SYT1: variants seen among roughly 807,000 people sequenced by gnomAD.
The protein encoded by SYT1 is synaptotagmin-1.
A neutral mutation model predicts 44.8 loss-of-function variants in SYT1; 8 were observed. The observed-to-expected ratio is 0.18, with a 90% confidence interval of 0.10 to 0.32. The LOEUF is 0.32. Among genes scored for constraint, SYT1 ranks in the 10% least tolerant of loss-of-function variants. The pLI is 1.00. For missense variants in SYT1, 286 were observed against 509.3 expected, an observed-to-expected ratio of 0.56 and a Z score of 4.22; for synonymous variants, 154 against 188.8, an observed-to-expected ratio of 0.82 and a Z score of 1.51.
chr12:79,052,712 T>C (rs1874604229), intron 3 of SYT1, among the ~76,000 whole-genome samples: 1 of 152,082 alleles, frequency 6.6e-6, no homozygotes, highest in African/African-American at 2.4e-5. Context: ...GAACAGACGC[T>C]TCTCAAAAGA....
At chr12:78,918,872 T>C (rs1261136229) in intron 1 of SYT1, among the ~76,000 whole-genome samples, 1 of 152,112 alleles carries the variant, frequency 6.6e-6, no homozygotes, top group East Asian at 1.9e-4. Flanking sequence ...GGAGAAATGT[T>C]TATGACATAC....
At chr12:78,945,622 C>A (rs1221155312) in intron 1 of SYT1, among the ~76,000 whole-genome samples, 1 of 152,060 alleles carries the variant, frequency 6.6e-6, no homozygotes, top group African/African-American at 2.4e-5. Context: ...ATATGACACA[C>A]TCCTTGAATC....
chr12:78,945,183 T>C lies in SYT1; in HGVS notation c.-216-32616T>C, dbSNP rs1257554287. ...AAATAACACAGCAATTCAGCTGTTT[T>C]TTTGTTTCAGAATAAATAAGTAATT... is the stretch of plus-strand genomic sequence containing the variant. On this transcript the variant is annotated intron_variant, in intron 1 of 10. Coordinates refer to ENST00000261205, the MANE Select transcript of SYT1 (RefSeq NM_005639.3). Among the ~76,000 whole-genome samples, 3 of 152,170 alleles carry C rather than the reference T, an allele frequency of 2.0e-5. No individual in the cohort carries two copies. In the East Asian group the frequency reaches 5.8e-4, roughly 29 times the overall value.
chr12:79,276,464 T>G (rs879050675), intron 4 of SYT1, among the ~76,000 whole-genome samples: 1 of 151,312 alleles, frequency 6.6e-6, no homozygotes, highest in Non-Finnish European at 1.5e-5. Context: ...GATCATGAGG[T>G]CAAGAGATCG....
chr12:79,334,600 G>A (rs17005480), intron 8 of SYT1, among the ~76,000 whole-genome samples: 16,989 of 152,180 alleles, frequency 0.11, 1,416 homozygotes, highest in African/African-American at 0.24. Flanking sequence ...TGGTGCAATC[G>A]AGAACATGCA....
intron 4 of SYT1, among the ~76,000 whole-genome samples, chr12:79,283,141 A>G (rs1879135104): frequency 6.6e-6 from 1 of 152,158 alleles, no homozygotes. Flanking sequence ...GCTATCCTAT[A>G]GCTATACAAA....
rs181962238 is a variant in SYT1, at chr12:79,015,941, C to G, written c.-83-31356C>G. On this transcript the variant is annotated intron_variant, in intron 2 of 10. Transcript: ENST00000261205. ...GTTGCACAGTGAGTCCACAGCAGATCTAAGATGAAAACAAAGTGTAATGAG... is the reference window on the plus strand; with the variant it reads ...GTTGCACAGTGAGTCCACAGCAGATGTAAGATGAAAACAAAGTGTAATGAG... 2.4e-4 allele frequency among the ~76,000 whole-genome samples: 37 copies of G among 152,184 alleles called. 1 individual carries two copies. The highest frequency in any genetic ancestry group is 2.4e-3 in the Admixed American group (36 of 15,266).
chr12:79,447,382 A>G (rs1870796266), intron 10 of SYT1, among the ~76,000 whole-genome samples: 1 of 152,204 alleles, frequency 6.6e-6, no homozygotes, highest in Non-Finnish European at 1.5e-5. Flanking sequence ...GAAATGTATT[A>G]TGAAAGAAGC....
chr12:79,275,077 T>C (rs1032587240), intron 4 of SYT1, among the ~76,000 whole-genome samples: 7 of 152,100 alleles, frequency 4.6e-5, no homozygotes, highest in Non-Finnish European at 1.0e-4. Context: ...CCTAAGGGAC[T>C]GCCACTCCTA....
At chr12:79,296,506 C>A (rs576663854) in intron 7 of SYT1, among the ~76,000 whole-genome samples, 1 of 152,222 alleles carries the variant, frequency 6.6e-6, no homozygotes, top group Non-Finnish European at 1.5e-5. Context: ...AAAGTGAGAT[C>A]CCTCCCTGAA....
intron 9 of SYT1, among the ~76,000 whole-genome samples, chr12:79,434,451 A>AC (rs978492716): frequency 6.6e-5 from 10 of 152,102 alleles, no homozygotes; most frequent in Non-Finnish European, 1.5e-5. Flanking sequence ...ATTTATAAAG[A>AC]CCCCCTCAAG....
At chr12:78,914,315 G>A (rs1274110622) in intron 1 of SYT1, among the ~76,000 whole-genome samples, 1 of 151,854 alleles carries the variant, frequency 6.6e-6, no homozygotes, top group African/African-American at 2.4e-5. Context: ...ATAATGAAGA[G>A]TGAGGTGCAT....
At chr12:78,885,799 C>G (rs1439415922) in intron 1 of SYT1, among the ~76,000 whole-genome samples, 1 of 151,928 alleles carries the variant, frequency 6.6e-6, no homozygotes. Flanking sequence ...GTAACACATC[C>G]AACTTTGATA....
intron 3 of SYT1, among the ~76,000 whole-genome samples, chr12:79,199,405 C>T (rs546437985): frequency 1.3e-5 from 2 of 152,224 alleles, no homozygotes; most frequent in East Asian, 3.9e-4. Flanking sequence ...TACCAGCTGC[C>T]TTCCCTCTCT....
chr12:78,949,796 T>C (rs1374730851), intron 1 of SYT1, among the ~76,000 whole-genome samples: 1 of 151,988 alleles, frequency 6.6e-6, no homozygotes, highest in Admixed American at 6.6e-5. Flanking sequence ...CAGAGGATAG[T>C]AGGGCAGTTC....
At chr12:79,133,979 T>C (rs1869021251) in intron 3 of SYT1, among the ~76,000 whole-genome samples, 1 of 152,186 alleles carries the variant, frequency 6.6e-6, no homozygotes, top group Admixed American at 6.5e-5. Flanking sequence ...TCAGATTTTA[T>C]CTGTTATTCT....
chr12:79,253,154 C>G (rs1877316077), intron 4 of SYT1, among the ~76,000 whole-genome samples: 1 of 152,090 alleles, frequency 6.6e-6, no homozygotes, highest in Non-Finnish European at 1.5e-5. Flanking sequence ...AAACTATAAG[C>G]TTGCCACATT....
At chr12:79,019,775 G>A (rs115925459) in intron 2 of SYT1, among the ~76,000 whole-genome samples, 344 of 152,078 alleles carry the variant, frequency 2.3e-3, no homozygotes, top group African/African-American at 7.1e-3. Flanking sequence ...AGTAAAATTT[G>A]TCAGTGAAAC....
At chr12:79,040,014 G>A (rs1339178580) in intron 2 of SYT1, among the ~76,000 whole-genome samples, 1 of 150,998 alleles carries the variant, frequency 6.6e-6, no homozygotes, top group African/African-American at 2.4e-5. Flanking sequence ...TCTTAATCCA[G>A]TCTATCATTG....
Sources: allele counts gnomAD v4.1 joint callset (sites outside exome capture counted in the v4.1 genomes callset), GRCh38; gene constraint gnomAD v4.1.1; transcripts MANE v1.5; gene names NCBI Gene and HGNC (gene_info 2026-07-23, HGNC 2026-07-21).